MED13L: variants seen among roughly 807,000 people sequenced by gnomAD.
MED13L encodes the protein mediator of RNA polymerase II transcription subunit 13-like.
Under a neutral mutation model 220.9 loss-of-function variants are expected in MED13L, and 7 were observed. The observed-to-expected ratio is 0.03, with a 90% CI of 0.02 to 0.06. The LOEUF (loss-of-function observed/expected upper bound fraction) is 0.06. Ranked by LOEUF, MED13L falls within the 10% of genes least tolerant of loss-of-function variation. The pLI is 1.00. For missense variants in MED13L, 1,965 were observed against 2,760.5 expected (o/e 0.71, Z 6.46); for synonymous variants, 1,011 against 1,015.2 (o/e 1.00, Z 0.08).
chr12:115,967,242 CTG>C (rs1876245052), intron 28 of MED13L, among the ~76,000 whole-genome samples: 1 of 140,998 alleles, frequency 7.1e-6, no homozygotes, highest in Admixed American at 7.1e-5. Context: ...CTACATCAAA[CTG>C]TATCAATTCT....
intron 9 of MED13L, among the ~76,000 whole-genome samples, chr12:116,011,100 T>A (rs951936029): frequency 1.3e-5 from 2 of 152,070 alleles, no homozygotes; most frequent in African/African-American, 4.8e-5. Context: ...TTGGTCAGGC[T>A]GGTCTCGAAC....
At chr12:116,018,598 A>G (rs562978758) in intron 7 of MED13L, among the ~76,000 whole-genome samples, 1 of 152,324 alleles carries the variant, frequency 6.6e-6, no homozygotes, top group Admixed American at 6.5e-5. Context: ...CAAAGTTAAT[A>G]TAGGAACTAT....
chr12:116,235,700 A>G (rs980886892), intron 2 of MED13L, among the ~76,000 whole-genome samples: 4 of 152,212 alleles, frequency 2.6e-5, no homozygotes, highest in African/African-American at 7.2e-5. Context: ...TTGTTAACTC[A>G]GTAACAAAGC....
At chr12:116,219,261 T>C (rs1438556239) in intron 2 of MED13L, among the ~76,000 whole-genome samples, 3 of 152,178 alleles carry the variant, frequency 2.0e-5, no homozygotes, top group Non-Finnish European at 4.4e-5. Context: ...AGAGGAATAC[T>C]CGTAAACATA....
chr12:116,120,851 T>C (rs568523727), intron 2 of MED13L, among the ~76,000 whole-genome samples: 25 of 152,292 alleles, frequency 1.6e-4, no homozygotes, highest in African/African-American at 6.0e-4. Context: ...AGTCTAATTA[T>C]GCATAATGGG....
In MED13L at chr12:116,225,134, A is replaced by G. The variant is rs139242570; in HGVS notation, c.310+12334T>C. ...AGTACTGACCCCAGGACATCCCATTAAAGTGTTTTTGCTATGTGCTAAGTT... is the reference window on the plus strand; with the variant it reads ...AGTACTGACCCCAGGACATCCCATTGAAGTGTTTTTGCTATGTGCTAAGTT... On this transcript the variant is annotated intron_variant, in intron 2 of 30. Coordinates refer to ENST00000281928, the MANE Select transcript of MED13L (RefSeq NM_015335.5). Among the ~76,000 whole-genome samples the G allele has an allele frequency of 7.4e-3, 1,130 of 152,344 alleles. 9 individuals are homozygous for G. Among genetic ancestry groups the G allele is most frequent in the African/African-American group, 0.026 (1,092 of 41,570 alleles).
chr12:116,021,234 T>C (rs185298513), intron 5 of MED13L, among the ~76,000 whole-genome samples: 31 of 152,270 alleles, frequency 2.0e-4, no homozygotes, highest in African/African-American at 7.5e-4. Context: ...AAGTGGTCTA[T>C]AGGGACCTGG....
chr12:116,015,303 G>A, intron 7 of MED13L, 29 bp from the exon 8 acceptor site: 3 of 1,612,654 alleles, frequency 1.9e-6, no homozygotes, highest in South Asian at 2.2e-5. Context: ...TGGAATGTTA[G>A]GATTTTCTGA....
At chr12:116,273,392 C>T (rs1462952097) in intron 1 of MED13L, among the ~76,000 whole-genome samples, 2 of 151,492 alleles carry the variant, frequency 1.3e-5, no homozygotes, top group East Asian at 1.9e-4. Context: ...TGAACTGGTA[C>T]AAAAAAATAC....
chr12:115,988,770 A>G (rs184738923), intron 17 of MED13L, among the ~76,000 whole-genome samples: 2 of 152,246 alleles, frequency 1.3e-5, no homozygotes, highest in Admixed American at 1.3e-4. Flanking sequence ...CCCTGCAATA[A>G]AATGTCTTAT....
At chr12:116,240,796 G>A (rs554731937) in intron 1 of MED13L, among the ~76,000 whole-genome samples, 1 of 150,510 alleles carries the variant, frequency 6.6e-6, no homozygotes, top group East Asian at 2.0e-4. Context: ...CAAAGTGCTG[G>A]GATTACAGGC....
At chr12:116,017,271 G>T (rs960767573) in intron 7 of MED13L, among the ~76,000 whole-genome samples, 1 of 152,156 alleles carries the variant, frequency 6.6e-6, no homozygotes. Context: ...TCTGAATTAT[G>T]ACTATTAAGA....
In MED13L at chr12:115,959,415, T is replaced by A. The variant is rs745636925; in HGVS notation, c.*1851A>T. The stretch of plus-strand genomic sequence containing the variant: ...AAAAAAAATTCAAAGTTCTGATGAA[T>A]TCCGGGAAAAAAGCAACCCCAAAGT... On this transcript the variant is annotated 3_prime_UTR_variant, in exon 31 of 31. Transcript: ENST00000281928. 1 of 152,514 alleles carries A rather than the reference T, an allele frequency of 6.6e-6. No individual in the cohort carries two copies. Among genetic ancestry groups the A allele is most frequent in the Admixed American group, 6.5e-5 (1 of 15,268 alleles). The allele number at this position is 152,514 out of a possible 1,614,324, so 9.4% of individuals were successfully genotyped here. A position where few individuals can be genotyped will look rare whatever the true frequency, so the allele number is the denominator to read the frequency against.
At chr12:116,208,569 T>G (rs2138341183) in intron 2 of MED13L, among the ~76,000 whole-genome samples, 1 of 152,352 alleles carries the variant, frequency 6.6e-6, no homozygotes, top group African/African-American at 2.4e-5. Flanking sequence ...TTTCTTCAAA[T>G]GCTATTTAAA....
intron 1 of MED13L, among the ~76,000 whole-genome samples, chr12:116,269,852 A>C (rs1873141662): frequency 1.3e-5 from 2 of 152,236 alleles, no homozygotes; most frequent in African/African-American, 4.8e-5. Context: ...ATACATAGTA[A>C]ACCAGAGTAT....
At chr12:116,180,297 CT>C (rs35493378) in intron 2 of MED13L, among the ~76,000 whole-genome samples, 1 of 152,178 alleles carries the variant, frequency 6.6e-6, no homozygotes, top group African/African-American at 2.4e-5. Context: ...AAACCCAAAA[CT>C]TTTTGAGTGC....
intron 13 of MED13L, 64 bp from the exon 14 acceptor site, chr12:116,003,166 T>C: frequency 7.1e-7 from 1 of 1,417,454 alleles, no homozygotes. Flanking sequence ...CATTCAAATA[T>C]TTCCTAATGT....
chr12:116,237,333 G>A lies in MED13L; in HGVS notation c.310+135C>T, dbSNP rs1226967898. The A allele has an allele frequency of 7.9e-6, 6 of 756,204 alleles. No homozygotes were observed. The African/African-American group carries it at 1.0e-4, about 13-fold the overall frequency. 46.8% of individuals were successfully genotyped at this position (756,204 alleles called of 1,614,324 possible). On this transcript the variant is annotated intron_variant, in intron 2 of 30. Coordinates refer to ENST00000281928, the MANE Select transcript of MED13L (RefSeq NM_015335.5). ...GGATGGGAGGAAGAGGGGTGAGAAT[G>A]TTCCTTTTGAGAGAGACATCCATGA...
At chr12:116,206,813 C>T (rs560997335) in intron 2 of MED13L, among the ~76,000 whole-genome samples, 2 of 152,274 alleles carry the variant, frequency 1.3e-5, no homozygotes, top group East Asian at 3.9e-4. Context: ...AAAACATTAA[C>T]TTCTTTATGC....
Sources: gnomAD v4.1 joint callset for allele counts (sites outside exome capture counted in the v4.1 genomes callset) on GRCh38, gnomAD v4.1.1 for gene constraint, MANE v1.5 for transcripts, NCBI Gene and HGNC (gene_info 2026-07-23, HGNC 2026-07-21) for gene names.